RAB3GAP2: variants seen among roughly 807,000 people sequenced by gnomAD.
RAB3GAP2 encodes rab3 GTPase-activating protein non-catalytic subunit.
A neutral mutation model predicts 185.3 loss-of-function variants in RAB3GAP2; 87 were observed. The observed-to-expected ratio is 0.47, with a 90% CI of 0.39 to 0.56. The LOEUF (loss-of-function observed/expected upper bound fraction) is 0.56. Ranked by LOEUF, RAB3GAP2 falls within the 20% of genes least tolerant of loss-of-function variation. The pLI is 0.00. For synonymous variants in RAB3GAP2, 554 were observed against 576.1 expected, an observed-to-expected ratio of 0.96 and a Z score of 0.55; for missense variants, 1,492 against 1,638.2, an observed-to-expected ratio of 0.91 and a Z score of 1.54.
intron 17 of RAB3GAP2, among the ~76,000 whole-genome samples, chr1:220,188,834 T>C (rs1425843893): frequency 6.6e-6 from 1 of 152,182 alleles, no homozygotes; most frequent in Non-Finnish European, 1.5e-5. Context: ...GTGAGCAGAA[T>C]TTGTATGGCA....
chr1:220,253,978 AGGGCCC>A, intron 1 of RAB3GAP2: 1 of 1,613,650 alleles, frequency 6.2e-7, no homozygotes, highest in African/African-American at 1.3e-5. Flanking sequence ...TTGGAAGAAA[AGGGCCC>A]GGGTAGATCC....
chr1:220,177,362 C>A (rs1658311787), intron 21 of RAB3GAP2, among the ~76,000 whole-genome samples: 1 of 152,186 alleles, frequency 6.6e-6, no homozygotes, highest in Admixed American at 6.5e-5. Flanking sequence ...CAAAGCCAGA[C>A]TGTGAAGACT....
Position 220,267,935 on chromosome 1 carries a change from A to G in RAB3GAP2, c.115+4288T>C, listed in dbSNP as rs1571938804. ...GGTCCGTGATGCCTATGACCCAAGGACCTGAGTCTTCCAAGAGCTCAGCCC... is the reference window on the plus strand; with the variant it reads ...GGTCCGTGATGCCTATGACCCAAGGGCCTGAGTCTTCCAAGAGCTCAGCCC... On this transcript the variant is annotated intron_variant, in intron 1 of 34. Coordinates refer to ENST00000358951, the MANE Select transcript of RAB3GAP2 (RefSeq NM_012414.4). The G allele has an allele frequency of 1.5e-5, 10 of 659,414 alleles. No individual in the cohort carries two copies. The East Asian group carries it at 2.6e-4, about 17-fold the overall frequency. The allele number at this position is 659,414 out of a possible 1,614,324, so 40.8% of individuals were successfully genotyped here.
intron 7 of RAB3GAP2, chr1:220,207,913 A>G (rs1015380264): frequency 1.3e-5 from 2 of 152,162 alleles, no homozygotes; most frequent in Non-Finnish European, 2.9e-5. Context: ...CCCGTACTAC[A>G]CTCATTGCTC....
chr1:220,247,038 A>C (rs1485343736), intron 1 of RAB3GAP2, among the ~76,000 whole-genome samples: 1 of 152,220 alleles, frequency 6.6e-6, no homozygotes, highest in East Asian at 1.9e-4. Context: ...GGGAAATGCA[A>C]ATTAAAACCA....
At chr1:220,183,250 ATT>A (rs200955039) in intron 19 of RAB3GAP2, among the ~76,000 whole-genome samples, 39 of 140,248 alleles carry the variant, frequency 2.8e-4, no homozygotes, top group Non-Finnish European at 3.5e-4. Context: ...GAATGTTAGC[ATT>A]TTTTTTTTTT....
chr1:220,222,143 A>G (rs1260517454), intron 2 of RAB3GAP2, among the ~76,000 whole-genome samples: 12 of 152,214 alleles, frequency 7.9e-5, no homozygotes, highest in Admixed American at 7.2e-4. Context: ...AGCAAGACAC[A>G]TAGTGCTTCA....
intron 1 of RAB3GAP2, chr1:220,267,947 C>T (rs1305817389): frequency 7.9e-6 from 5 of 634,656 alleles, no homozygotes; most frequent in Non-Finnish European, 1.4e-5. Context: ...CTGAGTCTTC[C>T]AAGAGCTCAG....
At chr1:220,245,581 A>G (rs770641779) in intron 1 of RAB3GAP2, among the ~76,000 whole-genome samples, 172 of 152,214 alleles carry the variant, frequency 1.1e-3, no homozygotes, top group Non-Finnish European at 2.0e-3. Flanking sequence ...GGAGGCAGCG[A>G]GGCTGGGGGA....
intron 1 of RAB3GAP2, among the ~76,000 whole-genome samples, chr1:220,261,070 T>A (rs941915331): frequency 1.3e-5 from 2 of 151,704 alleles, no homozygotes; most frequent in African/African-American, 4.8e-5. Context: ...TTACATACTT[T>A]AAAAAAAAGG....
At chr1:220,179,059 T>C (rs1417716979) in intron 21 of RAB3GAP2, among the ~76,000 whole-genome samples, 1 of 150,914 alleles carries the variant, frequency 6.6e-6, no homozygotes, top group Non-Finnish European at 1.5e-5. Flanking sequence ...TCCATAAAAA[T>C]GAAAACCAAA....
chr1:220,236,612 C>A (rs183799853), intron 1 of RAB3GAP2, among the ~76,000 whole-genome samples: 1 of 151,666 alleles, frequency 6.6e-6, no homozygotes, highest in East Asian at 1.9e-4. Context: ...AGAAACCCAG[C>A]ACTTTACCAA....
chr1:220,177,273 G>C (rs1243915670), intron 21 of RAB3GAP2, among the ~76,000 whole-genome samples: 1 of 152,240 alleles, frequency 6.6e-6, no homozygotes, highest in Non-Finnish European at 1.5e-5. Flanking sequence ...AAGTGTTGCA[G>C]TGGTCACAAG....
intron 2 of RAB3GAP2, among the ~76,000 whole-genome samples, chr1:220,214,453 G>A (rs892912072): frequency 2.0e-5 from 3 of 151,956 alleles, no homozygotes; most frequent in Admixed American, 6.6e-5. Context: ...TTGAACCCAG[G>A]AGGTAGAGGT....
rs765404238 is a variant in RAB3GAP2, at chr1:220,153,356, T to G, written c.3696A>C (p.Thr1232=). 2 of 1,614,212 alleles carry G rather than the reference T, an allele frequency of 1.2e-6. No individual in the cohort carries two copies. Among genetic ancestry groups the G allele is most frequent in the Non-Finnish European group, 1.7e-6 (2 of 1,180,024 alleles). ...SAAVQAQHSA[T]KVKDPTEEAT... ...CCTCTTCTGTGGGATCTTTGACCTT[T>G]GTGGCTGAATGTTGGGCCTGGACAG... Residue 1232 remains threonine, a synonymous_variant, in exon 33 of 35, where the codon ACA becomes ACC. Coordinates refer to ENST00000358951, the MANE Select transcript of RAB3GAP2 (RefSeq NM_012414.4).
At position 220,172,682 on chromosome 1, in the gene RAB3GAP2, T is replaced by C. The variant is rs765407545; in HGVS notation, c.2371A>G (p.Ile791Val). The change falls in exon 22 of 35, where the codon ATC becomes GTC. Residue 791 changes from isoleucine to valine, a missense_variant. Ile to Val is a conservative substitution (Grantham distance 29, BLOSUM62 3). Around this residue, in one of 5 missense-constraint regions of RAB3GAP2, gnomAD observed 681 missense variants for 689.1 expected, o/e 0.99. Transcript: ENST00000358951. ...GACAGCATGGTATGAAGACAGCAGA[T>C]TGACTGTGGTTTATCCAAAATATCC... ...EKDILDKPQS[I>V]CCLHTMLSLL... 24 of 1,613,304 alleles carry C rather than the reference T, an allele frequency of 1.5e-5. No individual in the cohort carries two copies. Among genetic ancestry groups the C allele is most frequent in the East Asian group, 6.7e-5 (3 of 44,870 alleles).
chr1:220,168,299 C>A (rs901902850), intron 24 of RAB3GAP2, among the ~76,000 whole-genome samples: 1 of 151,828 alleles, frequency 6.6e-6, no homozygotes, highest in Non-Finnish European at 1.5e-5. Context: ...GCCATGTTGG[C>A]GAGGCTGGTC....
At position 220,151,299 on chromosome 1, in the gene RAB3GAP2, G is replaced by A. The variant is rs1657748330; in HGVS notation, c.4134C>T (p.Ala1378=). 1.2e-6 allele frequency: 2 copies of A among 1,613,944 alleles called. No homozygotes were observed. Among genetic ancestry groups the A allele is most frequent in the African/African-American group, 2.7e-5 (2 of 74,902 alleles). The change falls in exon 35 of 35, where the codon GCC becomes GCT. Residue 1378 remains alanine (A), a synonymous_variant. Coordinates refer to ENST00000358951, the MANE Select transcript of RAB3GAP2 (RefSeq NM_012414.4). ...CTTCCACAGCTTCAATGAGGTGTAA[G>A]GCTAGACCATATTGCCCATGTTTTT... ...LPEKHGQYGL[A]LHLIEAVEAI...
At chr1:220,162,365 C>G in intron 27 of RAB3GAP2, 97 bp from the exon 28 acceptor site, 1 of 801,778 alleles carries the variant, frequency 1.2e-6, no homozygotes, top group South Asian at 1.6e-5. Context: ...ACTATATAGA[C>G]TATTTTGATT....
Sources: allele counts gnomAD v4.1 joint callset (sites outside exome capture counted in the v4.1 genomes callset), GRCh38; gene constraint gnomAD v4.1.1; regional missense constraint gnomAD v4.1.1; transcripts MANE v1.5; gene names NCBI Gene and HGNC (gene_info 2026-07-23, HGNC 2026-07-21).